The following DAP variants were observed in gnomAD, a reference collection of about 807,000 sequenced individuals.
The protein encoded by DAP is death-associated protein 1.
In DAP, 8 loss-of-function variants were observed where a neutral mutation model predicts 13.8. The observed-to-expected ratio is 0.58, with a 90% confidence interval of 0.34 to 1.05. DAP has a LOEUF of 1.05. Among genes scored for constraint, DAP ranks in the 50% least tolerant of loss-of-function variants. The pLI is 0.03. For missense variants in DAP, 106 were observed against 133.2 expected, an observed-to-expected ratio of 0.80 and a Z score of 1.01; for synonymous variants, 47 against 47.5, an observed-to-expected ratio of 0.99 and a Z score of 0.04.
chr5:10,688,884 C>A (rs533609094), intron 2 of DAP, among the ~76,000 whole-genome samples: 7 of 151,814 alleles, frequency 4.6e-5, no homozygotes, highest in Non-Finnish European at 7.4e-5. Context: ...CTTGGTTGAG[C>A]CCAGCCCCAC....
chr5:10,714,611 A>C (rs1738933912), intron 2 of DAP, among the ~76,000 whole-genome samples: 1 of 152,218 alleles, frequency 6.6e-6, no homozygotes, highest in Non-Finnish European at 1.5e-5. Context: ...ATAGATATGC[A>C]GATACATGGT....
chr5:10,758,619 G>T (rs182172502), intron 1 of DAP, among the ~76,000 whole-genome samples: 2 of 152,132 alleles, frequency 1.3e-5, no homozygotes, highest in Non-Finnish European at 2.9e-5. Flanking sequence ...GAAGCGGGAC[G>T]TGAGACTCAC....
At chr5:10,713,902 A>G (rs576736951) in intron 2 of DAP, among the ~76,000 whole-genome samples, 1 of 152,376 alleles carries the variant, frequency 6.6e-6, no homozygotes, top group East Asian at 1.9e-4. Flanking sequence ...CAGGCTGCCC[A>G]TGTATTTCCT....
At chr5:10,737,339 C>G (rs1739637394) in intron 2 of DAP, among the ~76,000 whole-genome samples, 1 of 127,124 alleles carries the variant, frequency 7.9e-6, no homozygotes, top group Non-Finnish European at 1.6e-5. Flanking sequence ...GAGCAAGACT[C>G]TGTCTCAAAA....
chr5:10,692,363 A>C lies in DAP; in HGVS notation c.153-8792T>G, dbSNP rs560573334. Among the ~76,000 whole-genome samples the C allele has an allele frequency of 9.2e-4, 140 of 152,318 alleles. 2 individuals are homozygous for C. The highest frequency in any genetic ancestry group is 3.2e-3 in the African/African-American group (133 of 41,572). ...CTCTTGTGAGTTAGAGCTGGACAGG[A>C]GGTTCCCTACCAGGCAGACGGCTGC... On this transcript the variant is annotated intron_variant, in intron 2 of 3. Coordinates refer to ENST00000230895, the MANE Select transcript of DAP (RefSeq NM_004394.3).
chr5:10,733,282 C>T (rs1301988116), intron 2 of DAP, among the ~76,000 whole-genome samples: 1 of 151,594 alleles, frequency 6.6e-6, no homozygotes, highest in East Asian at 1.9e-4. Context: ...CTACTGTGAA[C>T]AGTGCTGCTA....
intron 2 of DAP, among the ~76,000 whole-genome samples, chr5:10,720,656 C>T (rs1739112111): frequency 6.6e-6 from 1 of 152,212 alleles, no homozygotes; most frequent in African/African-American, 2.4e-5. Context: ...TTCACCAAGG[C>T]TGACTTGGCT....
intron 2 of DAP, among the ~76,000 whole-genome samples, chr5:10,711,614 G>A (rs1033540734): frequency 2.6e-5 from 4 of 152,102 alleles, no homozygotes; most frequent in Non-Finnish European, 4.4e-5. Context: ...GTGTTTCCTG[G>A]AGTCGGTGCT....
In DAP at chr5:10,737,753, G is replaced by A. The variant is rs549530949; in HGVS notation, c.152+10422C>T. Among the ~76,000 whole-genome samples the A allele has an allele frequency of 2.6e-5, 4 of 152,276 alleles. No homozygotes were observed. The East Asian group carries it at 5.8e-4, about 22-fold the overall frequency. On this transcript the variant is annotated intron_variant, in intron 2 of 3. Transcript: ENST00000230895. ...TAGATCACCATTTGGCATCTGCTAC[G>A]GGTTGACTTGTGTCCTCCAAAAAAG...
At chr5:10,715,445 G>C (rs1243548733) in intron 2 of DAP, among the ~76,000 whole-genome samples, 2 of 152,122 alleles carry the variant, frequency 1.3e-5, no homozygotes, top group African/African-American at 4.8e-5. Flanking sequence ...CCACCCTTGG[G>C]GACATGGAGT....
Position 10,755,650 on chromosome 5 carries a change from T to C in DAP, c.55+5364A>G, listed in dbSNP as rs534326273. 2.0e-5 allele frequency among the ~76,000 whole-genome samples: 3 copies of C among 152,338 alleles called. No homozygotes were observed. The South Asian group carries it at 6.2e-4, about 32-fold the overall frequency. On this transcript the variant is annotated intron_variant, in intron 1 of 3. Coordinates refer to ENST00000230895, the MANE Select transcript of DAP (RefSeq NM_004394.3). ...TGGATTAGTTTGGCCACTGAGAATT[T>C]AGGTTGTTTGTTACAACAGGAAGTA...
chr5:10,710,083 G>A (rs747024809), intron 2 of DAP, among the ~76,000 whole-genome samples: 4 of 152,152 alleles, frequency 2.6e-5, no homozygotes, highest in East Asian at 1.9e-4. Context: ...GGGAGTTTCC[G>A]TCACCTCCAC....
chr5:10,698,666 T>C (rs1023413838), intron 2 of DAP, among the ~76,000 whole-genome samples: 2 of 152,246 alleles, frequency 1.3e-5, no homozygotes, highest in African/African-American at 4.8e-5. Flanking sequence ...GTTTATTTAT[T>C]AGTTGGTTTC....
intron 2 of DAP, among the ~76,000 whole-genome samples, chr5:10,730,738 C>A (rs1375772938): frequency 6.6e-4 from 46 of 69,750 alleles, no homozygotes; most frequent in East Asian, 2.6e-3. Context: ...ACTGAGAGCC[C>A]TGGTGGGGGG....
chr5:10,760,481 A>G lies in DAP; in HGVS notation c.55+533T>C, dbSNP rs79390998. 2.8e-3 allele frequency among the ~76,000 whole-genome samples: 370 copies of G among 133,804 alleles called. 1 individual carries two copies. Among genetic ancestry groups the G allele is most frequent in the Non-Finnish European group, 4.7e-3 (279 of 59,284 alleles). 87.8% of individuals were successfully genotyped at this position (133,804 alleles called of 152,430 possible). On this transcript the variant is annotated intron_variant, in intron 1 of 3. Transcript: ENST00000230895. The stretch of plus-strand genomic sequence containing the variant: ...AAATCAGAAAAAGCAACTTTGGGGG[A>G]AAAAAAAAATCTGGATGTGGAAGAA...
In DAP at chr5:10,748,268, T is replaced by C; in HGVS notation, c.59A>G (p.Lys20Arg). The change falls in exon 2 of 4, where the codon AAA (lysine) becomes AGA (arginine). Residue 20 changes from lysine (K) to arginine (R), a missense_variant. By Grantham distance (26) the Lys-to-Arg change is conservative. Coordinates refer to ENST00000230895, the MANE Select transcript of DAP (RefSeq NM_004394.3). ...ETKAGHPPAV[K>R]AGGMRIVQKH... is the part of the protein sequence containing the mutation. ...CTGCACAATTCGCATTCCACCAGCT[T>C]TCACTGAAATGAAAACAGAGAGTGT... The C allele has an allele frequency of 6.2e-7, 1 of 1,613,350 alleles. No individual in the cohort carries two copies.
At chr5:10,710,251 C>A (rs1309669347) in intron 2 of DAP, among the ~76,000 whole-genome samples, 7 of 147,982 alleles carry the variant, frequency 4.7e-5, no homozygotes, top group Non-Finnish European at 8.8e-5. Context: ...GCCTTCACAG[C>A]CTCAATCACA....
chr5:10,715,142 T>A (rs1738951874), intron 2 of DAP, among the ~76,000 whole-genome samples: 1 of 151,776 alleles, frequency 6.6e-6, no homozygotes, highest in Non-Finnish European at 1.5e-5. Context: ...GTGCAGGGAG[T>A]TATATGGACA....
chr5:10,748,025 C>T (rs1561033884), intron 2 of DAP, 150 bp downstream of exon 2: 3 of 614,602 alleles, frequency 4.9e-6, no homozygotes, highest in Non-Finnish European at 8.7e-6. Context: ...ACAAAGCCCC[C>T]TCCTCCCTGA....
Sources: allele counts gnomAD v4.1 joint callset (sites outside exome capture counted in the v4.1 genomes callset), GRCh38; gene constraint gnomAD v4.1.1; transcripts MANE v1.5; gene names NCBI Gene and HGNC (gene_info 2026-07-23, HGNC 2026-07-21).